Variants in ARHGEF10 observed in about 807,000 individuals in gnomAD.
The protein encoded by ARHGEF10 is Rho guanine nucleotide exchange factor 10, also known as Rho guanine nucleotide exchange factor (GEF) 10.
ARHGEF10 carries 140 observed loss-of-function variants against 147.4 expected under a neutral mutation model. The ratio of observed to expected loss-of-function variants is 0.95; its 90% confidence interval spans 0.83 to 1.09. ARHGEF10 has a LOEUF of 1.09. Among genes scored for constraint, ARHGEF10 ranks in the 50% least tolerant of loss-of-function variants. The probability of loss-of-function intolerance (pLI) is 0.00; values close to 1 mark genes in which losing one functional copy is unlikely to be tolerated. For missense variants in ARHGEF10, 2,222 were observed against 1,752.7 expected, an observed-to-expected ratio of 1.27 and a Z score of -4.78; for synonymous variants, 902 against 695.8, an observed-to-expected ratio of 1.30 and a Z score of -4.67.
intron 18 of ARHGEF10, among the ~76,000 whole-genome samples, chr8:1,917,990 G>GT (rs1286298400): frequency 2.0e-5 from 3 of 150,612 alleles, no homozygotes; most frequent in South Asian, 2.1e-4. Flanking sequence ...GTTTCACCAT[G>GT]TTGGCCAGGC....
rs74719293 is a variant in ARHGEF10 at position 1,848,369 on chromosome 8, A to G, written c.37+4933A>G. Among the ~76,000 whole-genome samples, 1,404 of 152,262 alleles carry G rather than the reference A, an allele frequency of 9.2e-3. 26 individuals are homozygous for G. The highest frequency in any genetic ancestry group is 0.032 in the African/African-American group (1,344 of 41,542). ...GGATGGGGTCTCGTGGCCAGCAAGC[A>G]AAGTTTGAACTCAGCTCTCCGACTC... On this transcript the variant is annotated intron_variant, in intron 2 of 28. Transcript: ENST00000349830.
At chr8:1,882,289 G>A (rs1318668065) in intron 9 of ARHGEF10, among the ~76,000 whole-genome samples, 1 of 152,218 alleles carries the variant, frequency 6.6e-6, no homozygotes, top group Non-Finnish European at 1.5e-5. Flanking sequence ...AGCGTCTGCA[G>A]TTAGTTGTTT....
intron 1 of ARHGEF10, among the ~76,000 whole-genome samples, chr8:1,830,598 G>C (rs949514814): frequency 9.2e-5 from 14 of 151,656 alleles, no homozygotes; most frequent in African/African-American, 3.2e-4. Context: ...CATGAATACC[G>C]CTGCGTGCTA....
intron 8 of ARHGEF10, among the ~76,000 whole-genome samples, chr8:1,877,084 G>C (rs558957804): frequency 6.6e-6 from 1 of 152,188 alleles, no homozygotes; most frequent in Non-Finnish European, 1.5e-5. Flanking sequence ...AGATGGGATC[G>C]GGGTTCCCTA....
chr8:1,874,747 CAGG>C, intron 7 of ARHGEF10, among the ~76,000 whole-genome samples: 3 of 149,636 alleles, frequency 2.0e-5, no homozygotes, highest in African/African-American at 7.6e-5. Context: ...GGTTCTAAGA[CAGG>C]CTGGAGGAAC....
chr8:1,857,095 T>G (rs1273952165), intron 2 of ARHGEF10, among the ~76,000 whole-genome samples: 1 of 152,250 alleles, frequency 6.6e-6, no homozygotes, highest in Non-Finnish European at 1.5e-5. Flanking sequence ...TATCAAGCAC[T>G]TACTTGGAAC....
chr8:1,843,420 G>A lies in ARHGEF10; in HGVS notation c.21G>A (p.Leu7=). MDQREP[L]PPAPAENEMK... Reference sequence around the variant, plus strand: ...GCAGCATGGACCAGCGAGAGCCCCTGCCTCCCGCTCCTGCAGGTAACAGCA... The same window carrying A: ...GCAGCATGGACCAGCGAGAGCCCCTACCTCCCGCTCCTGCAGGTAACAGCA... The change falls in exon 2 of 29, where the codon CTG becomes CTA. Residue 7 remains leucine, a synonymous_variant. Coordinates refer to ENST00000349830, the MANE Select transcript of ARHGEF10 (RefSeq NM_014629.4). The A allele has an allele frequency of 1.2e-6, 2 of 1,613,148 alleles. No homozygotes were observed. Among genetic ancestry groups the A allele is most frequent in the Middle Eastern group, 1.7e-4 (1 of 6,022 alleles).
intron 26 of ARHGEF10, among the ~76,000 whole-genome samples, chr8:1,944,233 G>GCCTCCCGCACCGTGTCGCCTCCCTGGGGA (rs1563322615): frequency 5.4e-5 from 8 of 148,814 alleles, no homozygotes; most frequent in South Asian, 2.1e-4. Flanking sequence ...CTCCCTGGGG[G>GCCTCCCGCACCGTGTCGCCTCCCTGGGGA]CCCCAGCCTC....
In ARHGEF10 at chr8:1,832,727, GACAGAGGC is replaced by G. The variant is rs1344672872; in HGVS notation, c.-48+8616_-48+8623del. On this transcript the variant is annotated intron_variant, in intron 1 of 28. Coordinates refer to ENST00000349830, the MANE Select transcript of ARHGEF10 (RefSeq NM_014629.4). Reference sequence around the variant, plus strand: ...AGAGGCAGAGACAGAGGCAGAGAGAGACAGAGGCAGAGGCAGAGGCAGAGACAGAGACA... The same window carrying G: ...AGAGGCAGAGACAGAGGCAGAGAGAGAGAGGCAGAGGCAGAGACAGAGACA... Among the ~76,000 whole-genome samples the G allele has an allele frequency of 3.2e-5, 4 of 126,246 alleles. 1 individual carries two copies. The East Asian group carries it at 1.0e-3, about 32-fold the overall frequency. The allele number at this position is 126,246 out of a possible 152,430, so 82.8% of individuals were successfully genotyped here.
At chr8:1,842,355 G>A (rs910611154) in intron 1 of ARHGEF10, among the ~76,000 whole-genome samples, 1 of 152,208 alleles carries the variant, frequency 6.6e-6, no homozygotes, top group Non-Finnish European at 1.5e-5. Context: ...CTAGGATAAG[G>A]GAATTCGCCG....
chr8:1,896,411 AC>A lies in ARHGEF10; in HGVS notation c.1520del (p.Thr507AsnfsTer12). 6.2e-7 allele frequency: 1 copy of A among 1,613,890 alleles called. No individual in the cohort carries two copies. Among genetic ancestry groups the A allele is most frequent in the Non-Finnish European group, 8.5e-7 (1 of 1,179,990 alleles). On this transcript the variant is annotated frameshift_variant, in exon 14 of 29. Transcript: ENST00000349830. LOFTEE classifies it high-confidence loss of function. The part of the protein sequence containing the change: ...FSTAVAVLKK[T>X]CATKPAFLEF... ...CACAGCCGTGGCAGTCCTCAAGAAA[AC>A]ATGTGCCACAAAGCCCGCTTTTCTT...
rs1812604990 is a variant in ARHGEF10 at position 1,925,356 on chromosome 8, C to T, written c.2562C>T (p.Leu854=). The change falls in exon 22 of 29, where the codon CTC becomes CTT. Residue 854 remains leucine (L), a synonymous_variant. Transcript: ENST00000349830. ...GNHIKKEKHP[L]LVGHMPVMVA... ...ACATTAAAAAGGAGAAGCATCCTCT[C>T]CTCGTCGGACACATGCCCGTGATGG... The T allele has an allele frequency of 6.2e-7, 1 of 1,614,194 alleles. No individual in the cohort carries two copies. The highest frequency in any genetic ancestry group is 8.5e-7 in the Non-Finnish European group (1 of 1,180,040).
At chr8:1,906,306 G>C (rs117654957) in intron 17 of ARHGEF10, among the ~76,000 whole-genome samples, 2 of 152,158 alleles carry the variant, frequency 1.3e-5, no homozygotes, top group African/African-American at 4.8e-5. Context: ...TAATGCAAGC[G>C]AACGTGGTGC....
chr8:1,944,125 A>AGCTTCCCGCACCGTGCTACCTCCCCCG (rs1814349438), intron 26 of ARHGEF10, among the ~76,000 whole-genome samples: 1 of 65,272 alleles, frequency 1.5e-5, no homozygotes. Context: ...CGCCTCCCCC[A>AGCTTCCCGCACCGTGCTACCTCCCCCG]GGATCCCAGC....
At position 1,928,661 on chromosome 8, in the gene ARHGEF10, C is replaced by T; in HGVS notation, c.2921+11C>T. On this transcript the variant is annotated intron_variant, in intron 24 of 28. Transcript: ENST00000349830. ...GACGGAGGAGGGAAGGTAGGGCATG[C>T]TCACTGCGTTACAGAGAATTAGCAA... is the stretch of plus-strand genomic sequence containing the variant. 2 of 1,613,570 alleles carry T rather than the reference C, an allele frequency of 1.2e-6. No homozygotes were observed. The highest frequency in any genetic ancestry group is 1.7e-4 in the Middle Eastern group (1 of 5,924).
At chr8:1,845,124 A>G (rs1228838577) in intron 2 of ARHGEF10, among the ~76,000 whole-genome samples, 1 of 152,114 alleles carries the variant, frequency 6.6e-6, no homozygotes, top group African/African-American at 2.4e-5. Context: ...GGGTGGTGGG[A>G]CTGAGACCCT....
At position 1,952,721 on chromosome 8, in the gene ARHGEF10, G is replaced by A. The variant is rs2272609; in HGVS notation, c.3414G>A (p.Ser1138=). The A allele has an allele frequency of 6.7e-4, 1,074 of 1,613,038 alleles. 14 individuals are homozygous for A. The East Asian group carries it at 0.02, about 30-fold the overall frequency. ...HNMLPGHQRL[S]VTSLLVCHGL... Reference sequence around the variant, plus strand: ...TCCGCCCAGGGCACCAGCGGCTGTCGGTGACGAGCCTGCTCGTCTGCCACG... The same window carrying A: ...TCCGCCCAGGGCACCAGCGGCTGTCAGTGACGAGCCTGCTCGTCTGCCACG... The change falls in exon 28 of 29, where the codon TCG becomes TCA. Residue 1138 remains serine, a synonymous_variant. Transcript: ENST00000349830.
chr8:1,898,522 C>T lies in ARHGEF10; in HGVS notation c.1647C>T (p.Leu549=), dbSNP rs12681485. The change falls in exon 15 of 29, where the codon CTC becomes CTT. Residue 549 remains leucine, a synonymous_variant. Transcript: ENST00000349830. Reference sequence around the variant, plus strand: ...GGTTCCCACAGTTCATCCTCCTGCTCCAGGTAAGTGCTTCACGGAGACCTC... The same window carrying T: ...GGTTCCCACAGTTCATCCTCCTGCTTCAGGTAAGTGCTTCACGGAGACCTC... ...IQRFPQFILL[L]QDMLKNTSKG... 0.053 allele frequency: 85,419 copies of T among 1,613,738 alleles called. 3,420 individuals are homozygous for T. The highest frequency in any genetic ancestry group is 0.2 in the East Asian group (8,938 of 44,822).
chr8:1,893,092 CAAAAAAAAAAA>C (rs34033686), intron 11 of ARHGEF10, among the ~76,000 whole-genome samples: 3 of 76,864 alleles, frequency 3.9e-5, no homozygotes, highest in Middle Eastern at 7.1e-3. Context: ...AAGATCTTTG[CAAAAAAAAAAA>C]AAAAAAAAAG....
Sources: gnomAD v4.1 joint callset for allele counts (sites outside exome capture counted in the v4.1 genomes callset) on GRCh38, gnomAD v4.1.1 for gene constraint, MANE v1.5 for transcripts, NCBI Gene and HGNC (gene_info 2026-07-23, HGNC 2026-07-21) for gene names.